Variants in DLC1 observed in about 807,000 individuals in gnomAD.
The protein encoded by DLC1 is DLC1 Rho GTPase activating protein, also known as rho GTPase-activating protein 7.
Under a neutral mutation model 140.3 loss-of-function variants are expected in DLC1, and 54 were observed. The observed-to-expected ratio is 0.38, with a 90% CI of 0.31 to 0.48. The LOEUF (loss-of-function observed/expected upper bound fraction) is 0.48, where lower values mean the gene tolerates loss of function less well. Ranked by LOEUF, DLC1 falls within the 20% of genes least tolerant of loss-of-function variation. The probability of loss-of-function intolerance (pLI) is 0.96; values close to 1 mark genes in which losing one functional copy is unlikely to be tolerated. For missense variants in DLC1, 2,536 were observed against 1,907.0 expected, an observed-to-expected ratio of 1.33 and a Z score of -6.14; for synonymous variants, 986 against 728.1, an observed-to-expected ratio of 1.35 and a Z score of -5.70.
chr8:13,587,418 T>G (rs965952322), intron 1 of DLC1, among the ~76,000 whole-genome samples: 1 of 151,856 alleles, frequency 6.6e-6, no homozygotes, highest in African/African-American at 2.4e-5. Flanking sequence ...GACCAAATGA[T>G]AAATATAGAG....
intron 2 of DLC1, among the ~76,000 whole-genome samples, chr8:13,409,040 C>T (rs1028921841): frequency 6.6e-6 from 1 of 151,710 alleles, no homozygotes; most frequent in Non-Finnish European, 1.5e-5. Context: ...CTTGTATTGA[C>T]CTGACTTCTG....
At chr8:13,485,080 A>G (rs1337484130) in intron 2 of DLC1, among the ~76,000 whole-genome samples, 2 of 152,176 alleles carry the variant, frequency 1.3e-5, no homozygotes, top group African/African-American at 4.8e-5. Context: ...GTTATGATTC[A>G]CCTTAAGTGT....
chr8:13,324,443 C>A (rs1321518800), intron 4 of DLC1, among the ~76,000 whole-genome samples: 1 of 151,950 alleles, frequency 6.6e-6, no homozygotes, highest in African/African-American at 2.4e-5. Flanking sequence ...TGGCGGGCGC[C>A]TGTAGTCCCA....
chr8:13,575,766 T>G (rs758407744), intron 1 of DLC1, among the ~76,000 whole-genome samples: 5 of 152,220 alleles, frequency 3.3e-5, no homozygotes, highest in Non-Finnish European at 7.3e-5. Flanking sequence ...AACACCTTGT[T>G]TGAGAGCCCA....
intron 5 of DLC1, among the ~76,000 whole-genome samples, chr8:13,120,115 G>A (rs941216092): frequency 4.0e-5 from 6 of 151,390 alleles, no homozygotes; most frequent in Admixed American, 3.9e-4. Context: ...GGCCAAGGAA[G>A]GCAGATCATC....
intron 4 of DLC1, among the ~76,000 whole-genome samples, chr8:13,358,042 C>T (rs1454934950): frequency 1.3e-5 from 2 of 152,014 alleles, no homozygotes; most frequent in African/African-American, 4.8e-5. Context: ...AGGGTATTAT[C>T]TTCAAAAGAG....
chr8:13,563,584 A>T (rs1039618938), intron 1 of DLC1, among the ~76,000 whole-genome samples: 1 of 152,142 alleles, frequency 6.6e-6, no homozygotes, highest in Non-Finnish European at 1.5e-5. Flanking sequence ...GCACAGTGAC[A>T]CTTGCAGAAT....
intron 5 of DLC1, among the ~76,000 whole-genome samples, chr8:13,141,345 C>T (rs1314642714): frequency 1.4e-5 from 2 of 144,618 alleles, no homozygotes; most frequent in Non-Finnish European, 3.0e-5. Flanking sequence ...AATGTTTTGA[C>T]TTACATTTTC....
chr8:13,325,979 A>G (rs1190005903), intron 4 of DLC1, among the ~76,000 whole-genome samples: 2 of 152,110 alleles, frequency 1.3e-5, no homozygotes, highest in Non-Finnish European at 2.9e-5. Flanking sequence ...TTGGCATTGC[A>G]TAGTAGAGGA....
At chr8:13,407,483 A>C (rs1211799084) in intron 2 of DLC1, among the ~76,000 whole-genome samples, 2 of 152,220 alleles carry the variant, frequency 1.3e-5, no homozygotes, top group Admixed American at 6.5e-5. Context: ...GGAGAAATAT[A>C]AAGTCCAGAA....
chr8:13,208,315 A>C (rs767449158), intron 5 of DLC1, among the ~76,000 whole-genome samples: 3 of 152,224 alleles, frequency 2.0e-5, no homozygotes, highest in Non-Finnish European at 2.9e-5. Flanking sequence ...CTTATTACCT[A>C]TCAGTTTCTA....
intron 2 of DLC1, among the ~76,000 whole-genome samples, chr8:13,480,829 G>A (rs568931351): frequency 6.6e-6 from 1 of 152,142 alleles, no homozygotes; most frequent in Non-Finnish European, 1.5e-5. Context: ...GCTTGAGCTT[G>A]GGAGGTAGAG....
chr8:13,301,734 C>T (rs117889617), intron 5 of DLC1, among the ~76,000 whole-genome samples: 1,779 of 152,264 alleles, frequency 0.012, 16 homozygotes, highest in South Asian at 0.041. Flanking sequence ...AGGAGATGGG[C>T]GGTGGGCAAG....
At chr8:13,313,412 A>G (rs1168784322) in intron 4 of DLC1, among the ~76,000 whole-genome samples, 1 of 152,172 alleles carries the variant, frequency 6.6e-6, no homozygotes, top group Non-Finnish European at 1.5e-5. Flanking sequence ...AACACGTACA[A>G]GGTTTCTTAC....
At chr8:13,449,753 G>A (rs1798956635) in intron 2 of DLC1, among the ~76,000 whole-genome samples, 1 of 151,858 alleles carries the variant, frequency 6.6e-6, no homozygotes, top group Non-Finnish European at 1.5e-5. Context: ...ACACCAACAT[G>A]GCACATCTGT....
chr8:13,143,875 C>T (rs1823224732), intron 5 of DLC1, among the ~76,000 whole-genome samples: 2 of 138,932 alleles, frequency 1.4e-5, no homozygotes, highest in African/African-American at 5.7e-5. Flanking sequence ...CAAGGTTTTC[C>T]AGCCGTTTCA....
At chr8:13,336,191 A>G (rs1833805060) in intron 4 of DLC1, among the ~76,000 whole-genome samples, 1 of 152,098 alleles carries the variant, frequency 6.6e-6, no homozygotes, top group Non-Finnish European at 1.5e-5. Flanking sequence ...AGCATATTCC[A>G]TTATTTGCTC....
chr8:13,247,734 C>G (rs1829827108), intron 5 of DLC1, among the ~76,000 whole-genome samples: 1 of 152,140 alleles, frequency 6.6e-6, no homozygotes, highest in Non-Finnish European at 1.5e-5. Context: ...AAAATATGAT[C>G]AAACAAGTGC....
intron 2 of DLC1, among the ~76,000 whole-genome samples, chr8:13,414,259 T>A (rs546098254): frequency 1.3e-5 from 2 of 152,208 alleles, no homozygotes; most frequent in African/African-American, 4.8e-5. Context: ...TCCTTATTAT[T>A]GGTATGAAAA....
Sources: gnomAD v4.1 joint callset for allele counts (sites outside exome capture counted in the v4.1 genomes callset) on GRCh38, gnomAD v4.1.1 for gene constraint, MANE v1.5 for transcripts, NCBI Gene and HGNC (gene_info 2026-07-23, HGNC 2026-07-21) for gene names.